The following DOCK2 variants were observed in gnomAD, a reference collection of about 807,000 sequenced individuals.
The protein encoded by DOCK2 is dedicator of cytokinesis protein 2.
In DOCK2, 87 loss-of-function variants were observed where a neutral mutation model predicts 248.9. The ratio of observed to expected loss-of-function variants is 0.35; its 90% CI spans 0.29 to 0.42. The LOEUF (loss-of-function observed/expected upper bound fraction) is 0.42. Ranked by LOEUF, DOCK2 falls within the 10% of genes least tolerant of loss-of-function variation. The pLI is 1.00. For synonymous variants in DOCK2, 805 were observed against 821.6 expected (o/e 0.98, Z 0.35); for missense variants, 1,747 against 2,300.2 (o/e 0.76, Z 4.92).
At chr5:169,669,672 A>G (rs1462515086) in intron 3 of DOCK2, among the ~76,000 whole-genome samples, 1 of 152,180 alleles carries the variant, frequency 6.6e-6, no homozygotes, top group Non-Finnish European at 1.5e-5. Context: ...TGCAGCATTC[A>G]GTCATCTCCT....
At chr5:169,820,472 T>C (rs953905619) in intron 26 of DOCK2, among the ~76,000 whole-genome samples, 2 of 152,212 alleles carry the variant, frequency 1.3e-5, no homozygotes. Flanking sequence ...CAATATTCAC[T>C]GTTCTGCAGC....
chr5:169,653,904 G>A (rs1009813781), intron 1 of DOCK2, among the ~76,000 whole-genome samples: 2 of 152,272 alleles, frequency 1.3e-5, no homozygotes, highest in Admixed American at 1.3e-4. Flanking sequence ...TCCCTGGGGT[G>A]CCTGAGCTGG....
chr5:169,837,179 C>G (rs892957179), intron 26 of DOCK2, among the ~76,000 whole-genome samples: 4 of 152,056 alleles, frequency 2.6e-5, no homozygotes, highest in African/African-American at 9.7e-5. Flanking sequence ...AAAAAAATCA[C>G]TACAATTTGC....
At chr5:169,753,705 T>C (rs1764034151) in intron 23 of DOCK2, among the ~76,000 whole-genome samples, 1 of 152,132 alleles carries the variant, frequency 6.6e-6, no homozygotes, top group Non-Finnish European at 1.5e-5. Context: ...TAAAGTTGAG[T>C]TACAGAAAGG....
intron 15 of DOCK2, among the ~76,000 whole-genome samples, chr5:169,709,763 T>G (rs544786099): frequency 3.3e-5 from 5 of 152,258 alleles, no homozygotes. Flanking sequence ...AAAATAACAT[T>G]TCCTGGTCAA....
intron 27 of DOCK2, among the ~76,000 whole-genome samples, chr5:169,895,909 CCTT>C (rs1375128538): frequency 6.6e-6 from 1 of 152,224 alleles, no homozygotes; most frequent in Admixed American, 6.5e-5. Context: ...AACCTTCCTT[CCTT>C]CTTCCCTATT....
At chr5:169,880,626 A>G (rs949605121) in intron 27 of DOCK2, among the ~76,000 whole-genome samples, 1 of 152,216 alleles carries the variant, frequency 6.6e-6, no homozygotes, top group Non-Finnish European at 1.5e-5. Context: ...GCATTTGTTC[A>G]GAGGTTTGCA....
intron 25 of DOCK2, among the ~76,000 whole-genome samples, chr5:169,778,937 A>G (rs1017947908): frequency 6.6e-6 from 1 of 152,196 alleles, no homozygotes. Flanking sequence ...AGTATGTGGT[A>G]TTCGTTTTTC....
chr5:169,700,023 T>G lies in DOCK2; in HGVS notation c.1142T>G (p.Val381Gly). 1 of 1,613,760 alleles carries G rather than the reference T, an allele frequency of 6.2e-7. No individual in the cohort carries two copies. Among genetic ancestry groups the G allele is most frequent in the Non-Finnish European group, 8.5e-7 (1 of 1,179,738 alleles). Residue 381 changes from valine to glycine, a missense_variant, in exon 13 of 52, where the codon GTG becomes GGG. This residue lies in a region of DOCK2 where 375 missense variants were observed against 510.9 expected (regional missense o/e 0.73). Transcript: ENST00000520908. The part of the protein sequence containing the change: ...KGDSGGQGLW[V>G]TMKMLVGDII... ...AGCTGTTCCTTTGCAGGCCTCTGGG[T>G]GACCATGAAGATGCTGGTGGGTGAC...
At chr5:169,670,431 T>G (rs1444920753) in intron 3 of DOCK2, 111 bp from the exon 4 acceptor site, 5 of 1,253,938 alleles carry the variant, frequency 4.0e-6, no homozygotes, top group Non-Finnish European at 5.4e-6. Context: ...GTCTGGGGAT[T>G]TTATAAGCCA....
chr5:170,037,909 A>G (rs1756376990), intron 36 of DOCK2, among the ~76,000 whole-genome samples: 1 of 152,232 alleles, frequency 6.6e-6, no homozygotes, highest in Admixed American at 6.5e-5. Context: ...ACATTCTGTC[A>G]GAGGGCAGAA....
At chr5:169,765,373 C>T (rs1764721129) in intron 25 of DOCK2, among the ~76,000 whole-genome samples, 2 of 152,170 alleles carry the variant, frequency 1.3e-5, no homozygotes, top group Non-Finnish European at 2.9e-5. Flanking sequence ...CTTCAGGCTT[C>T]AGTGAGAGGA....
chr5:169,791,183 G>T (rs1191555872), intron 25 of DOCK2, among the ~76,000 whole-genome samples: 1 of 149,048 alleles, frequency 6.7e-6, no homozygotes, highest in South Asian at 2.1e-4. Flanking sequence ...AACAGGCATT[G>T]TGCTAGGAAC....
intron 25 of DOCK2, among the ~76,000 whole-genome samples, chr5:169,770,777 G>A (rs1344063089): frequency 6.6e-6 from 1 of 152,112 alleles, no homozygotes; most frequent in Non-Finnish European, 1.5e-5. Context: ...CCATATTACT[G>A]ATTGCTGGAG....
intron 48 of DOCK2, 111 bp from the exon 49 acceptor site, chr5:170,078,864 T>C: frequency 8.1e-7 from 1 of 1,236,816 alleles, no homozygotes; most frequent in Non-Finnish European, 1.1e-6. Flanking sequence ...CCAGACCCTG[T>C]AGTGACAGCT....
chr5:170,046,093 A>T (rs556200817), intron 39 of DOCK2, among the ~76,000 whole-genome samples, 188 bp downstream of exon 39: 10 of 152,202 alleles, frequency 6.6e-5, no homozygotes, highest in Admixed American at 1.3e-4. Context: ...TTTCAAAGAG[A>T]GATGTCGTGG....
chr5:169,701,933 C>T (rs1200351051), intron 13 of DOCK2, among the ~76,000 whole-genome samples: 1 of 152,144 alleles, frequency 6.6e-6, no homozygotes, highest in Non-Finnish European at 1.5e-5. Context: ...AGTGAAATAT[C>T]GGCAGATGTA....
At chr5:169,804,446 G>A (rs1767187878) in intron 26 of DOCK2, among the ~76,000 whole-genome samples, 1 of 61,932 alleles carries the variant, frequency 1.6e-5, no homozygotes, top group African/African-American at 4.0e-5. Context: ...AAGTGTGTGT[G>A]TGTGTGTGTG....
intron 26 of DOCK2, among the ~76,000 whole-genome samples, chr5:169,839,262 C>G (rs1249137896): frequency 6.6e-6 from 1 of 152,162 alleles, no homozygotes; most frequent in Admixed American, 6.5e-5. Flanking sequence ...CGCTCAGGCT[C>G]TGTTTCAGAC....
Sources: allele counts gnomAD v4.1 joint callset (sites outside exome capture counted in the v4.1 genomes callset), GRCh38; gene constraint gnomAD v4.1.1; regional missense constraint gnomAD v4.1.1; transcripts MANE v1.5; gene names NCBI Gene and HGNC (gene_info 2026-07-23, HGNC 2026-07-21).